TPCN2: variants seen among roughly 807,000 people sequenced by gnomAD.
The protein encoded by TPCN2 is two pore channel protein 2.
Under a neutral mutation model 111.4 loss-of-function variants are expected in TPCN2, and 92 were observed. The observed-to-expected ratio is 0.83, with a 90% CI of 0.70 to 0.98. The LOEUF (loss-of-function observed/expected upper bound fraction) is 0.98. Ranked by LOEUF, TPCN2 falls within the 50% of genes least tolerant of loss-of-function variation. The probability of loss-of-function intolerance (pLI) is 0.00; values close to 1 mark genes in which losing one functional copy is unlikely to be tolerated. For missense variants in TPCN2, 995 were observed against 980.1 expected (o/e 1.02, Z -0.20); for synonymous variants, 405 against 414.5 (o/e 0.98, Z 0.28).
At chr11:69,053,851 A>G (rs1854620590) in intron 1 of TPCN2, among the ~76,000 whole-genome samples, 182 bp from the exon 2 acceptor site, 1 of 152,132 alleles carries the variant, frequency 6.6e-6, no homozygotes, top group Non-Finnish European at 1.5e-5. Flanking sequence ...ATGCCGAGGC[A>G]CTTACCTGGT....
chr11:69,057,983 C>T (rs7932318), intron 5 of TPCN2, among the ~76,000 whole-genome samples: 5,519 of 152,332 alleles, frequency 0.036, 221 homozygotes, highest in Admixed American at 0.081. Flanking sequence ...CCCGGCTCTC[C>T]GCTCTCTAGC....
chr11:69,073,950 T>C (rs950191260), intron 13 of TPCN2, among the ~76,000 whole-genome samples: 1 of 149,706 alleles, frequency 6.7e-6, no homozygotes, highest in Admixed American at 6.7e-5. Context: ...CCTCCTCTTA[T>C]AAGGACCCTA....
intron 5 of TPCN2, among the ~76,000 whole-genome samples, chr11:69,059,095 T>C (rs1015850023): frequency 6.6e-6 from 1 of 152,220 alleles, no homozygotes; most frequent in Non-Finnish European, 1.5e-5. Flanking sequence ...GCTCCCCACC[T>C]GGCCCGGGTT....
chr11:69,071,956 C>A lies in TPCN2; in HGVS notation c.994C>A (p.Leu332Met). Residue 332 changes from leucine to methionine, a missense_variant, in exon 11 of 25, where the codon CTG becomes ATG. Leu to Met is a conservative substitution (Grantham distance 15, BLOSUM62 2). Coordinates refer to ENST00000294309, the MANE Select transcript of TPCN2 (RefSeq NM_139075.4). ...CCAGACCTCGCTGTTTCGGAGGCGG[C>A]TGGGAACCCGGGCTGCCTTTGAAGT... The part of the protein sequence containing the change: ...SLQTSLFRRR[L>M]GTRAAFEVLS... 6.2e-7 allele frequency: 1 copy of A among 1,614,046 alleles called. No homozygotes were observed. Among genetic ancestry groups the A allele is most frequent in the Non-Finnish European group, 8.5e-7 (1 of 1,179,980 alleles).
intron 22 of TPCN2, 138 bp downstream of exon 22, chr11:69,086,068 A>T: frequency 1.2e-6 from 1 of 821,012 alleles, no homozygotes; most frequent in Non-Finnish European, 2.0e-6. Context: ...GAAGTCGGCC[A>T]GCGTGGCATC....
intron 21 of TPCN2, 22 bp from the exon 22 acceptor site, chr11:69,085,826 C>T: frequency 6.2e-7 from 1 of 1,613,818 alleles, no homozygotes; most frequent in Non-Finnish European, 8.5e-7. Flanking sequence ...CCCTCCTGGA[C>T]CGCTGGTCTC....
chr11:69,061,373 C>T (rs545034141), intron 5 of TPCN2, among the ~76,000 whole-genome samples: 18 of 152,244 alleles, frequency 1.2e-4, no homozygotes, highest in East Asian at 1.9e-4. Context: ...GGGCAGTTGT[C>T]GGAGGGTTTT....
rs34833163 is a variant in TPCN2, at chr11:69,085,710, C to G, written c.1878C>G (p.Phe626Leu). ...PANGSAPCGS[F>L]EQLEYWANNF... ...ATGGCTCGGCGCCCTGTGGGAGCTTCGAGCAGCTGGAGTACTGGGCCAACA... is the reference window on the plus strand; with the variant it reads ...ATGGCTCGGCGCCCTGTGGGAGCTTGGAGCAGCTGGAGTACTGGGCCAACA... Residue 626 changes from phenylalanine to leucine, a missense_variant, in exon 21 of 25, where the codon TTC becomes TTG. Transcript: ENST00000294309. 4 of 1,614,072 alleles carry G rather than the reference C, an allele frequency of 2.5e-6. No homozygotes were observed. Among genetic ancestry groups the G allele is most frequent in the East Asian group, 2.2e-5 (1 of 44,872 alleles).
intron 1 of TPCN2, among the ~76,000 whole-genome samples, chr11:69,053,561 C>T (rs1162569104): frequency 6.6e-6 from 1 of 152,100 alleles, no homozygotes; most frequent in East Asian, 1.9e-4. Context: ...GTGACAGCAG[C>T]CCCATGTACC....
intron 4 of TPCN2, among the ~76,000 whole-genome samples, chr11:69,055,722 C>G: frequency 6.6e-6 from 1 of 152,208 alleles, no homozygotes; most frequent in Non-Finnish European, 1.5e-5. Context: ...CGTCAGCTCT[C>G]CTCCCTCTCC....
At chr11:69,056,582 G>A (rs1020411439) in intron 4 of TPCN2, among the ~76,000 whole-genome samples, 2 of 151,984 alleles carry the variant, frequency 1.3e-5, no homozygotes, top group Non-Finnish European at 2.9e-5. Flanking sequence ...TGCCCAGGCT[G>A]GAGTGCAGTG....
intron 16 of TPCN2, chr11:69,079,324 C>T (rs1855911516): frequency 2.3e-6 from 1 of 429,946 alleles, no homozygotes; most frequent in East Asian, 4.0e-5. Flanking sequence ...GCCCGGGGAA[C>T]AGCCTCTTAA....
At chr11:69,061,936 TGTGTGA>T (rs780193106) in intron 5 of TPCN2, among the ~76,000 whole-genome samples, 1 of 151,794 alleles carries the variant, frequency 6.6e-6, no homozygotes, top group African/African-American at 2.4e-5. Context: ...AGAGTGTGTG[TGTGTGA>T]GTGTGAGTGT....
At chr11:69,076,043 G>A (rs1184371903) in intron 13 of TPCN2, among the ~76,000 whole-genome samples, 1 of 152,220 alleles carries the variant, frequency 6.6e-6, no homozygotes, top group Admixed American at 6.5e-5. Flanking sequence ...TAAACAGAAA[G>A]TGTCATGTAC....
At chr11:69,073,108 G>A in intron 13 of TPCN2, 107 bp downstream of exon 13, 1 of 794,180 alleles carries the variant, frequency 1.3e-6, no homozygotes. Context: ...GGATTCACCT[G>A]CCAGGGATCC....
Position 69,083,928 on chromosome 11 carries a change from T to C in TPCN2, c.1690-17T>C. 1 of 1,612,312 alleles carries C rather than the reference T, an allele frequency of 6.2e-7. No individual in the cohort carries two copies. The highest frequency in any genetic ancestry group is 8.5e-7 in the Non-Finnish European group (1 of 1,178,382). On this transcript the variant is annotated splice_polypyrimidine_tract_variant and intron_variant, in intron 18 of 24. Coordinates refer to ENST00000294309, the MANE Select transcript of TPCN2 (RefSeq NM_139075.4). ...GGGCCAGGAGGAGTAAGGGCTGTGC[T>C]CTCTTCCTGTCCTCAGCTGATGGCC... is the stretch of plus-strand genomic sequence containing the variant.
chr11:69,075,235 A>G (rs555353876), intron 13 of TPCN2, among the ~76,000 whole-genome samples: 1 of 152,256 alleles, frequency 6.6e-6, no homozygotes, highest in South Asian at 2.1e-4. Context: ...TTCTTTCCTC[A>G]ATAATGCTGA....
intron 18 of TPCN2, chr11:69,083,240 G>C (rs1856121636): frequency 6.5e-6 from 1 of 152,992 alleles, no homozygotes; most frequent in African/African-American, 2.4e-5. Flanking sequence ...CGTTTTGCTT[G>C]AAGTCGCAGT....
chr11:69,067,855 T>G (rs955052947), intron 8 of TPCN2, among the ~76,000 whole-genome samples: 5 of 152,170 alleles, frequency 3.3e-5, no homozygotes, highest in Admixed American at 3.3e-4. Context: ...TCCTTTGCTT[T>G]CTCACTCCCT....
Sources: gnomAD v4.1 joint callset for allele counts (sites outside exome capture counted in the v4.1 genomes callset) on GRCh38, gnomAD v4.1.1 for gene constraint, MANE v1.5 for transcripts, NCBI Gene and HGNC (gene_info 2026-07-23, HGNC 2026-07-21) for gene names.